Variants in TMOD2 observed in about 807,000 individuals in gnomAD.
TMOD2 encodes tropomodulin 2.
Under a neutral mutation model 39.9 loss-of-function variants are expected in TMOD2, and 22 were observed. The ratio of observed to expected loss-of-function variants is 0.55; its 90% CI spans 0.39 to 0.79. The LOEUF (loss-of-function observed/expected upper bound fraction) is 0.79. Among genes scored for constraint, TMOD2 ranks in the 30% least tolerant of loss-of-function variants. The pLI, the probability that TMOD2 is intolerant of heterozygous loss-of-function variation, is 0.00. For synonymous variants in TMOD2, 123 were observed against 146.1 expected, an observed-to-expected ratio of 0.84 and a Z score of 1.14; for missense variants, 386 against 413.3, an observed-to-expected ratio of 0.93 and a Z score of 0.57.
intron 2 of TMOD2, 52 bp downstream of exon 2, chr15:51,766,619 G>T: frequency 6.3e-7 from 1 of 1,579,752 alleles, no homozygotes; most frequent in Non-Finnish European, 8.6e-7. Flanking sequence ...TGGATAAATG[G>T]CATGGCTTGG....
chr15:51,803,190 T>TTTTTTTTG (rs1555463181), intron 8 of TMOD2, among the ~76,000 whole-genome samples: 6 of 148,850 alleles, frequency 4.0e-5, no homozygotes, highest in African/African-American at 1.2e-4. Context: ...TTTTTTTTTT[T>TTTTTTTTG]TCTTTTTGAG....
chr15:51,796,836 G>T (rs1156836440), intron 7 of TMOD2, among the ~76,000 whole-genome samples: 1 of 152,138 alleles, frequency 6.6e-6, no homozygotes, highest in Non-Finnish European at 1.5e-5. Context: ...GACTGCGTTA[G>T]GCTACTGTTG....
intron 8 of TMOD2, among the ~76,000 whole-genome samples, chr15:51,800,378 A>C (rs1397134850): frequency 2.0e-5 from 3 of 152,188 alleles, no homozygotes; most frequent in Non-Finnish European, 4.4e-5. Context: ...CTGCCAAAAA[A>C]TCCAGAAATT....
chr15:51,807,416 G>C (rs1254787467), intron 9 of TMOD2, among the ~76,000 whole-genome samples: 3 of 152,220 alleles, frequency 2.0e-5, no homozygotes, highest in African/African-American at 2.4e-5. Context: ...CCAAGACCCT[G>C]AGGCGTAGGA....
intron 8 of TMOD2, among the ~76,000 whole-genome samples, chr15:51,799,586 A>C (rs1013582666): frequency 5.3e-5 from 8 of 152,110 alleles, no homozygotes; most frequent in African/African-American, 1.9e-4. Flanking sequence ...TGCCACCAAA[A>C]CGGCTTTCCT....
chr15:51,766,527 TGAAACAG>T lies in TMOD2; in HGVS notation c.87_93del (p.Lys30TrpfsTer5). ...CTTGGCAAACTCTCAGAAGAGGAAC[TGAAACAG>T]TTGGAAAATGTTCTAGATGACCTAG... On this transcript the variant is annotated frameshift_variant, in exon 2 of 10. Coordinates refer to ENST00000249700, the MANE Select transcript of TMOD2 (RefSeq NM_014548.4). LOFTEE classifies it high-confidence loss of function. 6.2e-7 allele frequency: 1 copy of T among 1,614,128 alleles called. No homozygotes were observed. The highest frequency in any genetic ancestry group is 1.1e-5 in the South Asian group (1 of 91,086).
At chr15:51,776,760 G>A (rs1296357040) in intron 4 of TMOD2, among the ~76,000 whole-genome samples, 172 bp from the exon 5 acceptor site, 1 of 152,084 alleles carries the variant, frequency 6.6e-6, no homozygotes, top group Non-Finnish European at 1.5e-5. Flanking sequence ...CTTGAAAGGA[G>A]GTTTTTGTAA....
chr15:51,791,147 T>G (rs778950051), intron 7 of TMOD2, among the ~76,000 whole-genome samples: 20 of 152,192 alleles, frequency 1.3e-4, no homozygotes, highest in Non-Finnish European at 2.4e-4. Flanking sequence ...GATAAGCAAC[T>G]TCAGCAAAGT....
intron 7 of TMOD2, among the ~76,000 whole-genome samples, chr15:51,786,720 A>C (rs1010264800): frequency 1.3e-5 from 2 of 152,264 alleles, no homozygotes; most frequent in Non-Finnish European, 2.9e-5. Flanking sequence ...CTGAGCATTC[A>C]AATGGAATTT....
intron 1 of TMOD2, among the ~76,000 whole-genome samples, chr15:51,762,272 C>T (rs2055786611): frequency 6.6e-6 from 1 of 151,518 alleles, no homozygotes; most frequent in African/African-American, 2.4e-5. Flanking sequence ...GCCTGGACAA[C>T]ATAGTGAGAT....
rs961620266 is a variant in TMOD2, at chr15:51,811,517, T to C, written c.*3063T>C. 1 of 152,346 alleles carries C rather than the reference T, an allele frequency of 6.6e-6. No homozygotes were observed. The highest frequency in any genetic ancestry group is 1.5e-5 in the Non-Finnish European group (1 of 68,066). The allele number at this position is 152,346 out of a possible 1,614,324, so 9.4% of individuals were successfully genotyped here. A position where few individuals can be genotyped will look rare whatever the true frequency, so the allele number is the denominator to read the frequency against. ...TAGATGACATTTAGGAGAAAAACCTTAGAAGTCTAGAAATCATATGATTAG... is the reference window on the plus strand; with the variant it reads ...TAGATGACATTTAGGAGAAAAACCTCAGAAGTCTAGAAATCATATGATTAG... On this transcript the variant is annotated 3_prime_UTR_variant, in exon 10 of 10. Transcript: ENST00000249700.
chr15:51,790,043 ACT>A (rs947479059), intron 7 of TMOD2, among the ~76,000 whole-genome samples: 1 of 152,098 alleles, frequency 6.6e-6, no homozygotes, highest in African/African-American at 2.4e-5. Context: ...GACACAAAAA[ACT>A]CTTCAAAAAA....
chr15:51,765,882 A>G (rs879344437), intron 1 of TMOD2, among the ~76,000 whole-genome samples: 1 of 152,256 alleles, frequency 6.6e-6, no homozygotes, highest in Non-Finnish European at 1.5e-5. Flanking sequence ...TCGTTCCTGA[A>G]TGAATCCCAT....
rs1233911982 is a variant in TMOD2, at chr15:51,809,612, A to G, written c.*1158A>G. 6.6e-6 allele frequency: 1 copy of G among 152,232 alleles called. No homozygotes were observed. Among genetic ancestry groups the G allele is most frequent in the Non-Finnish European group, 1.5e-5 (1 of 68,040 alleles). The allele number at this position is 152,232 out of a possible 1,614,324, so 9.4% of individuals were successfully genotyped here. A position where few individuals can be genotyped will look rare whatever the true frequency, so the allele number is the denominator to read the frequency against. Reference sequence around the variant, plus strand: ...TGGTGTAAAAATGCAGTGCTAAACTAATGAAGCAGGTGACTGCAGCCTTTG... The same window carrying G: ...TGGTGTAAAAATGCAGTGCTAAACTGATGAAGCAGGTGACTGCAGCCTTTG... On this transcript the variant is annotated 3_prime_UTR_variant, in exon 10 of 10. Transcript: ENST00000249700.
chr15:51,769,301 A>G (rs1190236126), intron 3 of TMOD2, among the ~76,000 whole-genome samples: 1 of 152,176 alleles, frequency 6.6e-6, no homozygotes, highest in Non-Finnish European at 1.5e-5. Context: ...AAGTCCCTCA[A>G]GGCCTTCTGC....
chr15:51,762,607 A>G (rs2055788828), intron 1 of TMOD2, among the ~76,000 whole-genome samples: 1 of 152,222 alleles, frequency 6.6e-6, no homozygotes, highest in Admixed American at 6.5e-5. Context: ...TGATATATGC[A>G]TGTATGTGTG....
intron 4 of TMOD2, among the ~76,000 whole-genome samples, chr15:51,775,064 A>T (rs1224018059): frequency 6.6e-6 from 1 of 152,174 alleles, no homozygotes. Context: ...CAGCATCTTT[A>T]GGGTGGGCCC....
chr15:51,807,433 C>T (rs114026831), intron 9 of TMOD2, among the ~76,000 whole-genome samples: 2,090 of 152,278 alleles, frequency 0.014, 53 homozygotes, highest in African/African-American at 0.049. Flanking sequence ...AGGAAAGGTG[C>T]AGTGTGTGGC....
chr15:51,808,340 T>G (rs1191783263), intron 9 of TMOD2, 80 bp from the exon 10 acceptor site: 2 of 1,134,522 alleles, frequency 1.8e-6, no homozygotes, highest in African/African-American at 1.5e-5. Flanking sequence ...GATTGTCATC[T>G]TATGTGATTA....
Sources: allele counts gnomAD v4.1 joint callset (sites outside exome capture counted in the v4.1 genomes callset), GRCh38; gene constraint gnomAD v4.1.1; transcripts MANE v1.5; gene names NCBI Gene and HGNC (gene_info 2026-07-23, HGNC 2026-07-21).